The following TLE1 variants were observed in gnomAD, a reference collection of about 807,000 sequenced individuals.
TLE1 encodes transducin-like enhancer protein 1.
TLE1 carries 21 observed loss-of-function variants against 89.8 expected under a neutral mutation model. That is an observed-to-expected ratio of 0.23 (90% CI 0.17 to 0.34). The LOEUF (loss-of-function observed/expected upper bound fraction) is 0.34. Among genes scored for constraint, TLE1 ranks in the 10% least tolerant of loss-of-function variants. TLE1 has a pLI of 1.00. For missense variants in TLE1, 795 were observed against 1,031.2 expected, an observed-to-expected ratio of 0.77 and a Z score of 3.14; for synonymous variants, 447 against 407.6, an observed-to-expected ratio of 1.10 and a Z score of -1.16.
chr9:81,684,593 C>G (rs1834026576), intron 4 of TLE1, among the ~76,000 whole-genome samples: 1 of 152,220 alleles, frequency 6.6e-6, no homozygotes. Context: ...CTGAACTAAT[C>G]AATTTCTCCA....
chr9:81,653,532 A>ACCC (rs1345186427), intron 5 of TLE1, among the ~76,000 whole-genome samples: 1 of 152,308 alleles, frequency 6.6e-6, no homozygotes, highest in African/African-American at 2.4e-5. Flanking sequence ...ATTATCATCC[A>ACCC]CCCCTTCAAG....
At chr9:81,618,027 AAACAAC>A (rs5898750) in intron 9 of TLE1, among the ~76,000 whole-genome samples, 1 of 151,514 alleles carries the variant, frequency 6.6e-6, no homozygotes, top group Non-Finnish European at 1.5e-5. Context: ...CTCCGTCTCA[AAACAAC>A]AACAACAACA....
intron 4 of TLE1, among the ~76,000 whole-genome samples, chr9:81,676,329 A>C (rs1247019631): frequency 2.0e-5 from 3 of 152,194 alleles, no homozygotes; most frequent in African/African-American, 4.8e-5. Context: ...GCAAGGAAAG[A>C]AGCACATGAA....
Position 81,590,847 on chromosome 9 carries a change from C to G in TLE1, c.1787G>C (p.Gly596Ala). 1.1e-5 allele frequency: 17 copies of G among 1,614,224 alleles called. No individual in the cohort carries two copies. Among genetic ancestry groups the G allele is most frequent in the Non-Finnish European group, 1.4e-5 (17 of 1,180,044 alleles). ...GTGCAGATCCCACACAGCGATGTTG[C>G]CGTCGCTGCAGCATGAGAAGCAGAC... ...SKVCFSCCSD[G>A]NIAVWDLHNQ... Residue 596 changes from glycine (G) to alanine (A), a missense_variant, in exon 16 of 20, where the codon GGC becomes GCC. Physicochemically the swap from Gly to Ala is moderately conservative, Grantham distance 60 (BLOSUM62 0). Transcript: ENST00000376499.
At chr9:81,671,537 C>T (rs980770421) in intron 4 of TLE1, among the ~76,000 whole-genome samples, 2 of 151,566 alleles carry the variant, frequency 1.3e-5, no homozygotes, top group African/African-American at 2.4e-5. Context: ...CCCAGCTACT[C>T]GAGAGGCCAA....
At chr9:81,591,459 TAGTC>T (rs1366405175) in intron 15 of TLE1, among the ~76,000 whole-genome samples, 2 of 152,208 alleles carry the variant, frequency 1.3e-5, no homozygotes, top group African/African-American at 4.8e-5. Flanking sequence ...ATTACCTCAT[TAGTC>T]AGAAGGATTC....
intron 8 of TLE1, among the ~76,000 whole-genome samples, chr9:81,621,213 A>C (rs146476154): frequency 4.0e-3 from 615 of 152,354 alleles, no homozygotes; most frequent in Non-Finnish European, 6.1e-3. Flanking sequence ...AACAAGGACT[A>C]ATCTTTTCCA....
intron 4 of TLE1, among the ~76,000 whole-genome samples, chr9:81,655,846 C>T (rs1328791810): frequency 3.4e-5 from 4 of 117,022 alleles, no homozygotes; most frequent in African/African-American, 1.1e-4. Context: ...GAGCAAGACC[C>T]TGTCTCAAAA....
chr9:81,685,570 G>A (rs181866866), intron 4 of TLE1, 106 bp downstream of exon 4: 2 of 1,102,990 alleles, frequency 1.8e-6, no homozygotes, highest in Non-Finnish European at 2.6e-6. Context: ...CAGAAAAATA[G>A]CATACAAACC....
At chr9:81,609,773 AG>A (rs1300125551) in intron 14 of TLE1, among the ~76,000 whole-genome samples, 1 of 152,174 alleles carries the variant, frequency 6.6e-6, no homozygotes, top group Non-Finnish European at 1.5e-5. Context: ...AATAAGAAAA[AG>A]GTGGCACAGA....
chr9:81,622,592 C>A (rs1466897899), intron 8 of TLE1, among the ~76,000 whole-genome samples: 2 of 152,192 alleles, frequency 1.3e-5, no homozygotes, highest in African/African-American at 2.4e-5. Flanking sequence ...GAGGCCTCTG[C>A]GTCTATGTGT....
intron 6 of TLE1, among the ~76,000 whole-genome samples, chr9:81,637,644 C>CTTTTTTTTTTTTTTTT (rs11375860): frequency 7.2e-6 from 1 of 138,708 alleles, no homozygotes; most frequent in African/African-American, 2.7e-5. Context: ...ATGAAAGTTT[C>CTTTTTTTTTTTTTTTT]TTTTTTTTTT....
chr9:81,685,948 A>C, intron 2 of TLE1, 52 bp from the exon 3 acceptor site: 1 of 1,590,612 alleles, frequency 6.3e-7, no homozygotes, highest in Non-Finnish European at 8.6e-7. Flanking sequence ...ACTTGTTTTA[A>C]CATCTGCCTC....
chr9:81,682,123 G>A (rs530635025), intron 4 of TLE1, among the ~76,000 whole-genome samples: 21 of 152,050 alleles, frequency 1.4e-4, no homozygotes, highest in African/African-American at 4.1e-4. Context: ...GCATGGTGGC[G>A]GACACCTGTA....
chr9:81,623,609 T>C (rs1425379490), intron 8 of TLE1, among the ~76,000 whole-genome samples: 1 of 108,606 alleles, frequency 9.2e-6, no homozygotes, highest in African/African-American at 3.7e-5. Flanking sequence ...TGAAACCCCA[T>C]CTGTACTTAA....
intron 4 of TLE1, among the ~76,000 whole-genome samples, chr9:81,665,556 G>C (rs921797213): frequency 6.6e-6 from 1 of 152,088 alleles, no homozygotes; most frequent in Non-Finnish European, 1.5e-5. Context: ...CTTGGGCACA[G>C]ATAGCAACAC....
chr9:81,603,828 C>A (rs1318396451), intron 14 of TLE1, among the ~76,000 whole-genome samples: 1 of 152,108 alleles, frequency 6.6e-6, no homozygotes, highest in Non-Finnish European at 1.5e-5. Flanking sequence ...ATGGTGAAAC[C>A]CTGTCTCTAC....
At chr9:81,660,978 C>CACACACACA (rs140689682) in intron 4 of TLE1, among the ~76,000 whole-genome samples, 8,112 of 121,692 alleles carry the variant, frequency 0.067, 535 homozygotes, top group Non-Finnish European at 0.077. Flanking sequence ...CACACACACA[C>CACACACACA]ATTTAGCCTG....
intron 4 of TLE1, among the ~76,000 whole-genome samples, chr9:81,681,068 T>C (rs747342975): frequency 6.6e-6 from 1 of 152,156 alleles, no homozygotes; most frequent in African/African-American, 2.4e-5. Context: ...GAACAACGCA[T>C]TTTTCTAAGA....
Sources: allele counts gnomAD v4.1 joint callset (sites outside exome capture counted in the v4.1 genomes callset), GRCh38; gene constraint gnomAD v4.1.1; transcripts MANE v1.5; gene names NCBI Gene and HGNC (gene_info 2026-07-23, HGNC 2026-07-21).